The following KYAT1 variants were observed in gnomAD, a reference collection of about 807,000 sequenced individuals.
The protein encoded by KYAT1 is kynurenine aminotransferase 1.
Under a neutral mutation model 52.4 loss-of-function variants are expected in KYAT1, and 47 were observed. The ratio of observed to expected loss-of-function variants is 0.90; its 90% CI spans 0.71 to 1.14. The LOEUF (loss-of-function observed/expected upper bound fraction) is 1.14. KYAT1 is among the 50% of genes most tolerant of loss of function. The probability of loss-of-function intolerance (pLI) is 0.00; values close to 1 mark genes in which losing one functional copy is unlikely to be tolerated. For missense variants in KYAT1, 480 were observed against 557.9 expected (o/e 0.86, Z 1.41); for synonymous variants, 212 against 209.6 (o/e 1.01, Z -0.10).
At chr9:128,878,067 G>A (rs889419941) in intron 1 of KYAT1, among the ~76,000 whole-genome samples, 2 of 152,194 alleles carry the variant, frequency 1.3e-5, no homozygotes, top group African/African-American at 2.4e-5. Flanking sequence ...TACAATGAAG[G>A]TGACAAGAAT....
chr9:128,846,889 AT>A, intron 1 of KYAT1: 5 of 1,524,478 alleles, frequency 3.3e-6, no homozygotes, highest in Non-Finnish European at 4.4e-6. Flanking sequence ...CTGGCTCAGG[AT>A]TTTGCTCAGT....
chr9:128,861,049 G>C (rs1263345709), intron 1 of KYAT1, among the ~76,000 whole-genome samples: 1 of 152,176 alleles, frequency 6.6e-6, no homozygotes, highest in Non-Finnish European at 1.5e-5. Context: ...TTGGAACAAT[G>C]GGAACAATAG....
chr9:128,837,961 ACTT>A, intron 5 of KYAT1, 87 bp downstream of exon 5: 2 of 1,513,390 alleles, frequency 1.3e-6, no homozygotes, highest in Non-Finnish European at 1.8e-6. Context: ...GGCTTCCTTC[ACTT>A]CTTTCCTCCT....
intron 3 of KYAT1, among the ~76,000 whole-genome samples, chr9:128,841,541 CA>C (rs920568130): frequency 8.6e-5 from 13 of 150,726 alleles, no homozygotes; most frequent in African/African-American, 3.2e-4. Flanking sequence ...AAAAACAAAA[CA>C]AAAATTAGCT....
intron 1 of KYAT1, among the ~76,000 whole-genome samples, chr9:128,873,995 C>T (rs1172004750): frequency 1.3e-5 from 2 of 150,948 alleles, no homozygotes; most frequent in Admixed American, 6.6e-5. Flanking sequence ...GTGGTTCACA[C>T]CTGTAACCCC....
chr9:128,879,966 C>G lies in KYAT1; in HGVS notation c.-7+1931G>C, dbSNP rs529673314. On this transcript the variant is annotated intron_variant, in intron 1 of 12. Transcript: ENST00000302586. ...TGATCCTGGGAAGCTAAGGGAGAGGCCTGGGAGCCCAGCAGCCTTCCTAGG... is the reference window on the plus strand; with the variant it reads ...TGATCCTGGGAAGCTAAGGGAGAGGGCTGGGAGCCCAGCAGCCTTCCTAGG... Among the ~76,000 whole-genome samples the G allele has an allele frequency of 2.0e-5, 3 of 152,318 alleles. No individual in the cohort carries two copies. In the East Asian group the frequency reaches 5.8e-4, roughly 29 times the overall value.
intron 1 of KYAT1, among the ~76,000 whole-genome samples, chr9:128,862,670 G>A (rs1235901433): frequency 2.6e-5 from 4 of 152,224 alleles, no homozygotes; most frequent in Non-Finnish European, 1.5e-5. Flanking sequence ...AAGAAGCTGG[G>A]TGGCACCTGT....
intron 3 of KYAT1, among the ~76,000 whole-genome samples, chr9:128,839,615 A>T (rs1452844875): frequency 2.0e-5 from 3 of 152,092 alleles, no homozygotes; most frequent in Non-Finnish European, 4.4e-5. Context: ...ACAGAGCGAG[A>T]CTCCGTCTCA....
chr9:128,880,078 C>T (rs1400581215), intron 1 of KYAT1, among the ~76,000 whole-genome samples: 1 of 152,166 alleles, frequency 6.6e-6, no homozygotes, highest in Non-Finnish European at 1.5e-5. Flanking sequence ...GACTTATCTG[C>T]GTGTAAAATA....
Position 128,859,010 on chromosome 9 carries a change from CAAAGA to C in KYAT1, c.-6-13604_-6-13600del, listed in dbSNP as rs1220327775. 4.8e-5 allele frequency among the ~76,000 whole-genome samples: 7 copies of C among 144,660 alleles called. No individual in the cohort carries two copies. In the East Asian group the frequency reaches 1.4e-3, roughly 29 times the overall value. The allele number at this position is 144,660 out of a possible 152,430, so 94.9% of individuals were successfully genotyped here. Reference sequence around the variant, plus strand: ...CTCCATCTCAAAAAAAAAAAAAAAGCAAAGAAAAGAAAAGAAAGAAAAAGAGTATT... The same window carrying C: ...CTCCATCTCAAAAAAAAAAAAAAAGCAAAGAAAAGAAAGAAAAAGAGTATT... On this transcript the variant is annotated intron_variant, in intron 1 of 12. Coordinates refer to ENST00000302586, the MANE Select transcript of KYAT1 (RefSeq NM_004059.5).
intron 7 of KYAT1, 139 bp downstream of exon 7, chr9:128,836,663 C>A: frequency 1.0e-6 from 1 of 969,708 alleles, no homozygotes; most frequent in Non-Finnish European, 1.5e-6. Context: ...ACACTGTGTA[C>A]TCTGGGAGGC....
intron 1 of KYAT1, chr9:128,847,515 G>A (rs1347835104): frequency 1.3e-6 from 2 of 1,535,810 alleles, no homozygotes; most frequent in South Asian, 2.4e-5. Context: ...GATGGCTGCT[G>A]CAGTCCTGAA....
intron 2 of KYAT1, among the ~76,000 whole-genome samples, chr9:128,844,732 T>C (rs1045509281): frequency 1.3e-5 from 2 of 149,836 alleles, no homozygotes; most frequent in African/African-American, 4.9e-5. Flanking sequence ...GGGCGTTGTG[T>C]TGCACGCCTG....
chr9:128,853,833 C>T (rs530081908), intron 1 of KYAT1, among the ~76,000 whole-genome samples: 2 of 152,284 alleles, frequency 1.3e-5, no homozygotes, highest in African/African-American at 4.8e-5. Context: ...CCTACATGTG[C>T]CCACTCAGGA....
intron 1 of KYAT1, among the ~76,000 whole-genome samples, chr9:128,867,591 C>T (rs551904573): frequency 6.6e-6 from 1 of 152,194 alleles, no homozygotes; most frequent in Non-Finnish European, 1.5e-5. Flanking sequence ...TGATATCCAT[C>T]AACCTGGGGC....
At chr9:128,870,826 G>A (rs1245587475) in intron 1 of KYAT1, among the ~76,000 whole-genome samples, 1 of 151,912 alleles carries the variant, frequency 6.6e-6, no homozygotes, top group Non-Finnish European at 1.5e-5. Context: ...TTTCCTAAGG[G>A]AACGATAAAG....
rs890877994 is a variant in KYAT1, at chr9:128,853,651, G to A, written c.-6-8240C>T. Among the ~76,000 whole-genome samples, 7 of 152,102 alleles carry A rather than the reference G, an allele frequency of 4.6e-5. No individual in the cohort carries two copies. The East Asian group carries it at 7.7e-4, about 17-fold the overall frequency. ...ATTCGAACACATACTAATTTACCAGGGCCTTTAACTAAGGCAAATGAACAA... is the reference window on the plus strand; with the variant it reads ...ATTCGAACACATACTAATTTACCAGAGCCTTTAACTAAGGCAAATGAACAA... On this transcript the variant is annotated intron_variant, in intron 1 of 12. Transcript: ENST00000302586.
intron 1 of KYAT1, among the ~76,000 whole-genome samples, chr9:128,871,965 A>G (rs1406921204): frequency 6.7e-6 from 1 of 149,964 alleles, no homozygotes; most frequent in African/African-American, 2.5e-5. Flanking sequence ...GTCTCTACTA[A>G]AAAAAATACA....
Position 128,835,778 on chromosome 9 carries a change from C to T in KYAT1, c.855+1G>A, listed in dbSNP as rs759264765. ...CCCCGTGACGTCCTGCCCCTCTTCA[C>T]CTGGCTCTGCGTGGGGCAGTGGAAG... is the stretch of plus-strand genomic sequence containing the variant. On this transcript the variant is annotated splice_donor_variant, in intron 9 of 12. Coordinates refer to ENST00000302586, the MANE Select transcript of KYAT1 (RefSeq NM_004059.5). LOFTEE classifies it high-confidence loss of function. 4 of 1,612,290 alleles carry T rather than the reference C, an allele frequency of 2.5e-6. No homozygotes were observed. The highest frequency in any genetic ancestry group is 8.5e-7 in the Non-Finnish European group (1 of 1,179,136).
Sources: allele counts gnomAD v4.1 joint callset (sites outside exome capture counted in the v4.1 genomes callset), GRCh38; gene constraint gnomAD v4.1.1; transcripts MANE v1.5; gene names NCBI Gene and HGNC (gene_info 2026-07-23, HGNC 2026-07-21).